The following PRIM2 variants were observed in gnomAD, a reference collection of about 807,000 sequenced individuals.
PRIM2 encodes the protein DNA primase large subunit.
Under a neutral mutation model 67.3 loss-of-function variants are expected in PRIM2, and 39 were observed. The ratio of observed to expected loss-of-function variants is 0.58; its 90% CI spans 0.45 to 0.76. The LOEUF (loss-of-function observed/expected upper bound fraction) is 0.76. PRIM2 is among the 30% of genes least tolerant of loss of function. The probability of loss-of-function intolerance (pLI) is 0.00; values close to 1 mark genes in which losing one functional copy is unlikely to be tolerated. For synonymous variants in PRIM2, 143 were observed against 198.7 expected, an observed-to-expected ratio of 0.72 and a Z score of 2.36; for missense variants, 398 against 598.7, an observed-to-expected ratio of 0.66 and a Z score of 3.50.
intron 7 of PRIM2, among the ~76,000 whole-genome samples, chr6:57,403,382 T>C (rs926042019): frequency 4.7e-5 from 7 of 150,416 alleles, no homozygotes; most frequent in African/African-American, 1.7e-4. Flanking sequence ...TCAGCCTCCC[T>C]AGTAGCTGGG....
rs1774272976 is a variant in PRIM2, at chr6:57,507,445, A to G, written c.752A>G (p.Asn251Ser). Reference protein sequence around the residue: ...QSDERLQPLLNHLSHSYTGQD... With the variant: ...QSDERLQPLLSHLSHSYTGQD... ...GATGAAAGACTTCAGCCTCTGCTCA[A>G]TCACCTCAGGTAATATAAGGGCACA... The change falls in exon 8 of 14, where the codon AAT (asparagine) becomes AGT (serine). Residue 251 changes from asparagine (N) to serine (S), a missense_variant. Asn to Ser is a conservative substitution (Grantham distance 46). This residue lies in a region of PRIM2 where 229 missense variants were observed against 383.6 expected (regional missense o/e 0.60). Transcript: ENST00000615550. 1.9e-6 allele frequency: 3 copies of G among 1,538,572 alleles called. No individual in the cohort carries two copies. Among genetic ancestry groups the G allele is most frequent in the African/African-American group, 1.4e-5 (1 of 70,674 alleles).
intron 7 of PRIM2, among the ~76,000 whole-genome samples, chr6:57,463,378 G>A (rs577058195): frequency 6.6e-6 from 1 of 152,162 alleles, no homozygotes; most frequent in African/African-American, 2.4e-5. Flanking sequence ...TGTTGTCCTA[G>A]CTACTCAGGT....
At chr6:57,516,579 T>G (rs1197682088) in intron 8 of PRIM2, among the ~76,000 whole-genome samples, 1 of 152,208 alleles carries the variant, frequency 6.6e-6, no homozygotes, top group African/African-American at 2.4e-5. Flanking sequence ...CTTTCCTGTC[T>G]TATCAACCAG....
the PRIM2 span, among the ~76,000 whole-genome samples, chr6:57,301,048 G>A: frequency 6.6e-6 from 1 of 152,202 alleles, no homozygotes; most frequent in Non-Finnish European, 1.5e-5. Context: ...CTAAGAACAG[G>A]ATGCCACTGC....
At chr6:57,572,323 G>T (rs1433193315) in intron 10 of PRIM2, among the ~76,000 whole-genome samples, 169 of 152,280 alleles carry the variant, frequency 1.1e-3, no homozygotes, top group Non-Finnish European at 5.7e-4. Context: ...GAGATTACTT[G>T]TTTCAATATT....
intron 2 of PRIM2, 46 bp downstream of exon 2, chr6:57,318,645 C>A: frequency 7.0e-7 from 1 of 1,437,342 alleles, no homozygotes; most frequent in Non-Finnish European, 9.5e-7. Flanking sequence ...GAGAAGCTCA[C>A]TTACCCTTTG....
chr6:57,596,869 A>G (rs1232469203), intron 10 of PRIM2, among the ~76,000 whole-genome samples: 2 of 152,172 alleles, frequency 1.3e-5, no homozygotes, highest in African/African-American at 2.4e-5. Flanking sequence ...TGAAGAAGAA[A>G]AGCTATCCAG....
At chr6:57,229,018 C>T in the PRIM2 span, among the ~76,000 whole-genome samples, 2 of 152,198 alleles carry the variant, frequency 1.3e-5, no homozygotes, top group African/African-American at 2.4e-5. Context: ...AATGATATAT[C>T]TTTTTCTCCT....
chr6:57,531,407 C>T (rs1774886770), intron 8 of PRIM2, among the ~76,000 whole-genome samples: 2 of 152,118 alleles, frequency 1.3e-5, no homozygotes, highest in Admixed American at 1.3e-4. Context: ...TGACTCTTCA[C>T]TCCAGGGTTT....
At chr6:57,381,065 C>T (rs1338984430) in intron 6 of PRIM2, among the ~76,000 whole-genome samples, 1 of 152,040 alleles carries the variant, frequency 6.6e-6, no homozygotes, top group African/African-American at 2.4e-5. Flanking sequence ...CTTACCTGCT[C>T]ATCTGATATG....
chr6:57,614,806 T>C (rs1460117122), intron 12 of PRIM2, among the ~76,000 whole-genome samples: 7 of 152,206 alleles, frequency 4.6e-5, no homozygotes, highest in Non-Finnish European at 8.8e-5. Flanking sequence ...GCAGAGATCA[T>C]GCCACTGCAC....
chr6:57,630,750 A>C (rs1484868514), intron 12 of PRIM2, among the ~76,000 whole-genome samples: 8 of 152,130 alleles, frequency 5.3e-5, no homozygotes, highest in African/African-American at 1.9e-4. Context: ...ATATTATTAT[A>C]GATGTTTGTC....
intron 5 of PRIM2, among the ~76,000 whole-genome samples, chr6:57,371,741 G>T (rs1235208957): frequency 6.6e-6 from 1 of 152,208 alleles, no homozygotes; most frequent in Non-Finnish European, 1.5e-5. Flanking sequence ...AAGACATGAA[G>T]ATTTCTTCTC....
At chr6:57,435,259 AC>A (rs1771973608) in intron 7 of PRIM2, 1 of 152,174 alleles carries the variant, frequency 6.6e-6, no homozygotes, top group Admixed American at 6.5e-5. Flanking sequence ...GGAGATGAAA[AC>A]TTGACCAAAA....
chr6:57,408,744 C>T (rs1306844164), intron 7 of PRIM2, among the ~76,000 whole-genome samples: 1 of 152,048 alleles, frequency 6.6e-6, no homozygotes, highest in Non-Finnish European at 1.5e-5. Flanking sequence ...TAGGGTCTTA[C>T]TCTGTCACCC....
chr6:57,474,307 T>A (rs1234258652), intron 7 of PRIM2, among the ~76,000 whole-genome samples: 60 of 142,698 alleles, frequency 4.2e-4, no homozygotes, highest in African/African-American at 1.6e-3. Context: ...TCTGAGTAGC[T>A]GAGACTACAG....
At chr6:57,354,466 G>C (rs367716686) in intron 5 of PRIM2, among the ~76,000 whole-genome samples, 61 of 152,096 alleles carry the variant, frequency 4.0e-4, no homozygotes, top group African/African-American at 2.7e-4. Context: ...GGTAAAATTA[G>C]ATAATTAATA....
chr6:57,499,538 C>T (rs1359311437), intron 7 of PRIM2, among the ~76,000 whole-genome samples: 2 of 152,218 alleles, frequency 1.3e-5, no homozygotes, highest in Non-Finnish European at 2.9e-5. Context: ...ACAAACAGGA[C>T]TTGCTAAGTT....
chr6:57,513,166 A>G (rs1774405554), intron 8 of PRIM2, among the ~76,000 whole-genome samples: 1 of 151,166 alleles, frequency 6.6e-6, no homozygotes, highest in African/African-American at 2.4e-5. Context: ...CTTTACTGTC[A>G]TTATCATGGT....
Sources: gnomAD v4.1 joint callset for allele counts (sites outside exome capture counted in the v4.1 genomes callset) on GRCh38, gnomAD v4.1.1 for gene constraint, gnomAD v4.1.1 regional missense constraint, MANE v1.5 for transcripts, NCBI Gene and HGNC (gene_info 2026-07-23, HGNC 2026-07-21) for gene names.